The following ASAP2 variants were observed in gnomAD, a reference collection of about 807,000 sequenced individuals.
ASAP2 encodes the protein arf-GAP with SH3 domain, ANK repeat and PH domain-containing protein 2.
A neutral mutation model predicts 131.4 loss-of-function variants in ASAP2; 45 were observed. The ratio of observed to expected loss-of-function variants is 0.34; its 90% confidence interval spans 0.27 to 0.44. The LOEUF (loss-of-function observed/expected upper bound fraction) is 0.44, where lower values mean the gene tolerates loss of function less well. ASAP2 is among the 20% of genes least tolerant of loss of function. The probability of loss-of-function intolerance (pLI) is 1.00; values close to 1 mark genes in which losing one functional copy is unlikely to be tolerated. For missense variants in ASAP2, 1,011 were observed against 1,297.0 expected, an observed-to-expected ratio of 0.78 and a Z score of 3.39; for synonymous variants, 510 against 503.0, an observed-to-expected ratio of 1.01 and a Z score of -0.19.
intron 1 of ASAP2, among the ~76,000 whole-genome samples, chr2:9,259,517 C>A (rs931078497): frequency 1.3e-4 from 20 of 152,242 alleles, no homozygotes; most frequent in Admixed American, 2.0e-4. Context: ...TACTCCTGCT[C>A]CCTGGTAGGT....
rs745892569 is a variant in ASAP2 at position 9,323,074 on chromosome 2, G to A, written c.471-47G>A. Reference sequence around the variant, plus strand: ...GGTGGCTTCAAGGCTGTCCCGTTGAGTTCTGTGCCAACAGGCATCTTGATG... The same window carrying A: ...GGTGGCTTCAAGGCTGTCCCGTTGAATTCTGTGCCAACAGGCATCTTGATG... On this transcript the variant is annotated intron_variant, in intron 5 of 27. Transcript: ENST00000281419. 8 of 1,612,020 alleles carry A rather than the reference G, an allele frequency of 5.0e-6. No individual in the cohort carries two copies. The South Asian group carries it at 8.8e-5, about 18-fold the overall frequency.
At chr2:9,222,024 G>A (rs558576666) in intron 1 of ASAP2, among the ~76,000 whole-genome samples, 86 of 151,888 alleles carry the variant, frequency 5.7e-4, no homozygotes, top group Non-Finnish European at 1.1e-3. Context: ...TCCTGATCTC[G>A]TGATCTGCCC....
chr2:9,320,404 A>G, intron 5 of ASAP2, 67 bp downstream of exon 5: 1 of 1,206,142 alleles, frequency 8.3e-7, no homozygotes, highest in Non-Finnish European at 1.2e-6. Context: ...CCAACCTCGT[A>G]TTGCTTAAAG....
chr2:9,335,698 A>G (rs1671160427), intron 9 of ASAP2, among the ~76,000 whole-genome samples: 2 of 152,216 alleles, frequency 1.3e-5, no homozygotes, highest in South Asian at 4.1e-4. Context: ...CTCTTTCTGT[A>G]ATGACGTCTC....
At chr2:9,264,737 G>T (rs1475249333) in intron 1 of ASAP2, among the ~76,000 whole-genome samples, 1 of 151,962 alleles carries the variant, frequency 6.6e-6, no homozygotes, top group African/African-American at 2.4e-5. Context: ...TGTACCATTG[G>T]CCCTCTGCAC....
chr2:9,390,114 G>T (rs890298324), intron 22 of ASAP2, among the ~76,000 whole-genome samples: 1 of 152,274 alleles, frequency 6.6e-6, no homozygotes, highest in East Asian at 1.9e-4. Context: ...CAAGGGTTTT[G>T]ATTTTTTTTC....
intron 1 of ASAP2, among the ~76,000 whole-genome samples, chr2:9,265,729 CTGTGCG>C (rs959010741): frequency 6.6e-5 from 10 of 151,462 alleles, no homozygotes; most frequent in East Asian, 5.8e-4. Context: ...GTGTGTGTGT[CTGTGCG>C]TGTAATGGAT....
At chr2:9,386,184 T>C (rs1234962164) in intron 21 of ASAP2, among the ~76,000 whole-genome samples, 3 of 151,924 alleles carry the variant, frequency 2.0e-5, no homozygotes, top group Admixed American at 1.3e-4. Flanking sequence ...CTGATGTGTA[T>C]TGAGGATATC....
At chr2:9,247,496 T>A (rs1298452335) in intron 1 of ASAP2, among the ~76,000 whole-genome samples, 1 of 152,170 alleles carries the variant, frequency 6.6e-6, no homozygotes, top group Non-Finnish European at 1.5e-5. Flanking sequence ...TTGATTTGAG[T>A]GCTTCTGTGG....
At chr2:9,219,901 A>G (rs1433204211) in intron 1 of ASAP2, among the ~76,000 whole-genome samples, 1 of 152,080 alleles carries the variant, frequency 6.6e-6, no homozygotes, top group East Asian at 1.9e-4. Context: ...TCACTCATCT[A>G]CTTTCTGTCT....
At chr2:9,339,902 A>G (rs982787027) in intron 9 of ASAP2, among the ~76,000 whole-genome samples, 1 of 152,100 alleles carries the variant, frequency 6.6e-6, no homozygotes, top group African/African-American at 2.4e-5. Flanking sequence ...ACCTGTTCCT[A>G]TCCATTGCAG....
At chr2:9,319,599 G>C (rs1046837952) in intron 4 of ASAP2, among the ~76,000 whole-genome samples, 2 of 152,270 alleles carry the variant, frequency 1.3e-5, no homozygotes, top group African/African-American at 4.8e-5. Flanking sequence ...GCAGGGACTT[G>C]TGTGCCAGGC....
chr2:9,370,046 GT>G (rs1289975862), intron 16 of ASAP2, among the ~76,000 whole-genome samples: 1 of 152,140 alleles, frequency 6.6e-6, no homozygotes, highest in Non-Finnish European at 1.5e-5. Context: ...CACCATGTTG[GT>G]CAGGCTGGTC....
chr2:9,213,760 C>T (rs1661779288), intron 1 of ASAP2, among the ~76,000 whole-genome samples: 1 of 152,204 alleles, frequency 6.6e-6, no homozygotes, highest in South Asian at 2.1e-4. Flanking sequence ...AACAGCCAAG[C>T]TCAGTTCATC....
intron 3 of ASAP2, among the ~76,000 whole-genome samples, chr2:9,303,896 T>G (rs1377436165): frequency 6.6e-6 from 1 of 152,208 alleles, no homozygotes; most frequent in Non-Finnish European, 1.5e-5. Flanking sequence ...TGGTGAGGCC[T>G]TGGGCGTGGG....
chr2:9,270,784 C>CTTTTTTTTTTTT (rs1666294703), intron 1 of ASAP2, among the ~76,000 whole-genome samples: 6 of 69,734 alleles, frequency 8.6e-5, no homozygotes, highest in African/African-American at 2.1e-4. Context: ...CAATTGTTTT[C>CTTTTTTTTTTTT]ATTTTTTTTT....
intron 7 of ASAP2, among the ~76,000 whole-genome samples, chr2:9,332,816 G>A (rs563592018): frequency 1.3e-5 from 2 of 152,224 alleles, no homozygotes; most frequent in East Asian, 1.9e-4. Context: ...AGAAAAACAC[G>A]TAAATAAAAT....
chr2:9,232,951 G>A lies in ASAP2; in HGVS notation c.126+25721G>A, dbSNP rs1656963024. On this transcript the variant is annotated intron_variant, in intron 1 of 27. Coordinates refer to ENST00000281419, the MANE Select transcript of ASAP2 (RefSeq NM_003887.3). This position sits in a 1 kb window ranked among gnomAD's most constrained non-coding sequence, Gnocchi z 4.1. The stretch of plus-strand genomic sequence containing the variant: ...TTCCACGTTAGACGTGTTCCCAGCT[G>A]CAGTTTTGTTCTGTATCTATTGCCA... 1.3e-5 allele frequency among the ~76,000 whole-genome samples: 2 copies of A among 152,244 alleles called. No homozygotes were observed. Among genetic ancestry groups the A allele is most frequent in the African/African-American group, 4.8e-5 (2 of 41,458 alleles).
At chr2:9,314,612 G>A (rs1014197666) in intron 3 of ASAP2, among the ~76,000 whole-genome samples, 4 of 152,146 alleles carry the variant, frequency 2.6e-5, no homozygotes, top group Admixed American at 6.5e-5. Context: ...AGATGAACAC[G>A]AGAAGAGCCT....
Sources: allele counts gnomAD v4.1 joint callset (sites outside exome capture counted in the v4.1 genomes callset), GRCh38; gene constraint gnomAD v4.1.1; non-coding constraint Gnocchi (gnomAD v3.1); transcripts MANE v1.5; gene names NCBI Gene and HGNC (gene_info 2026-07-23, HGNC 2026-07-21).